ADCY3: variants seen among roughly 807,000 people sequenced by gnomAD.
ADCY3 encodes adenylate cyclase type 3.
A neutral mutation model predicts 119.4 loss-of-function variants in ADCY3; 70 were observed. The ratio of observed to expected loss-of-function variants is 0.59; its 90% CI spans 0.48 to 0.72. The LOEUF (loss-of-function observed/expected upper bound fraction) is 0.72. Among genes scored for constraint, ADCY3 ranks in the 30% least tolerant of loss-of-function variants. ADCY3 has a pLI of 0.00. For missense variants in ADCY3, 1,238 were observed against 1,541.6 expected, an observed-to-expected ratio of 0.80 and a Z score of 3.30; for synonymous variants, 672 against 621.4, an observed-to-expected ratio of 1.08 and a Z score of -1.21.
chr2:24,849,043 G>T (rs1044192582), intron 3 of ADCY3, among the ~76,000 whole-genome samples: 1 of 152,230 alleles, frequency 6.6e-6, no homozygotes, highest in Admixed American at 6.5e-5. Flanking sequence ...GTGGTCAGGT[G>T]TGTGGGCAGG....
intron 3 of ADCY3, among the ~76,000 whole-genome samples, chr2:24,867,578 C>T (rs1344838): frequency 2.0e-5 from 3 of 152,156 alleles, no homozygotes; most frequent in Non-Finnish European, 4.4e-5. Flanking sequence ...TTCAGGTATT[C>T]TGTTGTAGCA....
At chr2:24,825,151 G>A (rs1668397827) in intron 16 of ADCY3, among the ~76,000 whole-genome samples, 6 of 152,122 alleles carry the variant, frequency 3.9e-5, no homozygotes, top group Admixed American at 3.9e-4. Context: ...TCCCAACTCA[G>A]GGTGGAGTCC....
At chr2:24,839,494 C>T (rs1034900139) in intron 7 of ADCY3, among the ~76,000 whole-genome samples, 4 of 152,194 alleles carry the variant, frequency 2.6e-5, no homozygotes, top group East Asian at 3.9e-4. Flanking sequence ...CCTGCGAGCC[C>T]GCTAGCTGAT....
At chr2:24,875,664 G>C (rs1675599811) in intron 2 of ADCY3, among the ~76,000 whole-genome samples, 1 of 152,180 alleles carries the variant, frequency 6.6e-6, no homozygotes, top group Admixed American at 6.5e-5. Flanking sequence ...AGCCTGGGTG[G>C]GGAGTCCCCC....
In ADCY3 at chr2:24,838,594, C is replaced by T. The variant is rs764888853; in HGVS notation, c.1384G>A (p.Asp462Asn). Reference protein sequence around the residue: ...GRVHISQSTMDCLKGEFDVEP... With the variant: ...GRVHISQSTMNCLKGEFDVEP... ...ACATCAAACTCCCCTTTCAGGCAGT[C>T]CATGGTGCTCTGGGAGATGTGCACG... The change falls in exon 8 of 22, where the codon GAC becomes AAC. Residue 462 changes from aspartate to asparagine, a missense_variant. Around this residue, in one of 7 missense-constraint regions of ADCY3, gnomAD observed 283 missense variants for 437.2 expected, o/e 0.65. Transcript: ENST00000679454. 1 of 1,614,094 alleles carries T rather than the reference C, an allele frequency of 6.2e-7. No individual in the cohort carries two copies. Among genetic ancestry groups the T allele is most frequent in the Admixed American group, 1.7e-5 (1 of 60,028 alleles).
At chr2:24,914,415 G>A (rs1335966556) in intron 2 of ADCY3, among the ~76,000 whole-genome samples, 2 of 152,196 alleles carry the variant, frequency 1.3e-5, no homozygotes, top group Admixed American at 6.5e-5. Context: ...GCTCACACCT[G>A]TAATCCCAGC....
At chr2:24,861,144 G>A (rs112365800) in intron 3 of ADCY3, among the ~76,000 whole-genome samples, 10,809 of 151,826 alleles carry the variant, frequency 0.071, 460 homozygotes, top group East Asian at 0.094. Flanking sequence ...CCAGCTACAC[G>A]GGAGGCTCAG....
Position 24,834,884 on chromosome 2 carries a change from A to G in ADCY3, c.1715T>C (p.Leu572Pro), listed in dbSNP as rs950864799. The change falls in exon 10 of 22, where the codon CTG becomes CCG. Residue 572 changes from leucine (L) to proline (P), a missense_variant. Physicochemically the swap from Leu to Pro is moderately conservative, Grantham distance 98. This residue lies in a region of ADCY3 where 499 missense variants were observed against 571.0 expected (regional missense o/e 0.87). Transcript: ENST00000679454. The surrounding 1 kb of genome is among the most constrained non-coding windows in gnomAD (Gnocchi z 4.2). ...NPRRRLRLQDLADRVVDASED... is the reference protein window; with the variant it reads ...NPRRRLRLQDPADRVVDASED... ...AGAGGCATCCACCACTCGGTCAGCC[A>G]GGTCCTGCAGGCGCAGCCTCCGGCG... 1.6e-5 allele frequency: 26 copies of G among 1,613,816 alleles called. No homozygotes were observed. The highest frequency in any genetic ancestry group is 2.1e-5 in the Non-Finnish European group (25 of 1,179,992).
At chr2:24,913,610 C>A (rs928485630) in intron 2 of ADCY3, among the ~76,000 whole-genome samples, 2 of 152,182 alleles carry the variant, frequency 1.3e-5, no homozygotes, top group African/African-American at 4.8e-5. Flanking sequence ...CCAGTAACAT[C>A]CAGGATTAAA....
intron 12 of ADCY3, among the ~76,000 whole-genome samples, chr2:24,831,329 CCCACCTTCCAGCCGGCCCT>C (rs1301602542): frequency 2.0e-5 from 3 of 152,198 alleles, no homozygotes; most frequent in Non-Finnish European, 4.4e-5. Flanking sequence ...TCGGGGCCAA[CCCACCTTCCAGCCGGCCCT>C]CCACTTCCTC....
chr2:24,823,336 T>C lies in ADCY3; in HGVS notation c.2756A>G (p.Tyr919Cys), dbSNP rs1433512698. 6 of 1,613,442 alleles carry C rather than the reference T, an allele frequency of 3.7e-6. No individual in the cohort carries two copies. Among genetic ancestry groups the C allele is most frequent in the Non-Finnish European group, 5.1e-6 (6 of 1,179,868 alleles). Residue 919 changes from tyrosine to cysteine, a missense_variant, in exon 18 of 22, where the codon TAT (tyrosine) becomes TGT (cysteine). Physicochemically the swap from Tyr to Cys is radical, Grantham distance 194. This residue lies in a region of ADCY3 where 499 missense variants were observed against 571.0 expected (regional missense o/e 0.87). Transcript: ENST00000679454. ...KRDEELYSQT[Y>C]DEIGVMFASL... is the part of the protein sequence containing the mutation. ...GGCAAACATGACTCCAATCTCATCA[T>C]ACGTCTGGCTATACAGCTCCTAAAA... is the stretch of plus-strand genomic sequence containing the variant.
At chr2:24,902,373 G>A (rs1660335976) in intron 2 of ADCY3, among the ~76,000 whole-genome samples, 1 of 152,064 alleles carries the variant, frequency 6.6e-6, no homozygotes, top group African/African-American at 2.4e-5. Flanking sequence ...GAGCCACCTT[G>A]CCCAGCCTTA....
At chr2:24,825,795 C>T in intron 16 of ADCY3, 1 of 539,476 alleles carries the variant, frequency 1.9e-6, no homozygotes, top group Non-Finnish European at 3.3e-6. Context: ...CTATCCCCTC[C>T]CACCTTCACT....
chr2:24,826,944 C>G (rs977254082), intron 15 of ADCY3, among the ~76,000 whole-genome samples: 1 of 152,160 alleles, frequency 6.6e-6, no homozygotes, highest in Non-Finnish European at 1.5e-5. Flanking sequence ...TGGACCGGTA[C>G]GTGTGTGATG....
chr2:24,828,463 C>CA (rs1668937094), intron 13 of ADCY3, among the ~76,000 whole-genome samples: 1 of 152,116 alleles, frequency 6.6e-6, no homozygotes, highest in African/African-American at 2.4e-5. Context: ...GCAGAAAAGC[C>CA]AAAAGTAGGA....
chr2:24,825,737 C>G lies in ADCY3; in HGVS notation c.2577+308G>C, dbSNP rs997396000. 1.1e-5 allele frequency: 4 copies of G among 367,542 alleles called. No homozygotes were observed. In the South Asian group the frequency reaches 1.3e-4, roughly 12 times the overall value. The allele number at this position is 367,542 out of a possible 1,614,324, so 22.8% of individuals were successfully genotyped here. ...ACGGGGAGTGCGGGGGCCATGAGCC[C>G]CTGGCCTAGGGGATATTGATTTGAT... On this transcript the variant is annotated intron_variant, in intron 16 of 21. Coordinates refer to ENST00000679454, the MANE Select transcript of ADCY3 (RefSeq NM_004036.5).
At chr2:24,873,194 A>G (rs140679665) in intron 2 of ADCY3, among the ~76,000 whole-genome samples, 31 of 152,354 alleles carry the variant, frequency 2.0e-4, no homozygotes, top group Non-Finnish European at 3.4e-4. Context: ...AGGACTGTGT[A>G]ATCCTAAAAG....
At position 24,842,929 on chromosome 2, in the gene ADCY3, T is replaced by C. The variant is rs1240872061; in HGVS notation, c.826-545A>G. Among the ~76,000 whole-genome samples, 2 of 152,112 alleles carry C rather than the reference T, an allele frequency of 1.3e-5. No individual in the cohort carries two copies. Among genetic ancestry groups the C allele is most frequent in the African/African-American group, 4.8e-5 (2 of 41,416 alleles). On this transcript the variant is annotated intron_variant, in intron 3 of 21. Coordinates refer to ENST00000679454, the MANE Select transcript of ADCY3 (RefSeq NM_004036.5). This position sits in a 1 kb window ranked among gnomAD's most constrained non-coding sequence, Gnocchi z 4.9. ...TAACCATGCCCAGCACAGCGCAGCA[T>C]GGCAAGTTCTGTGCCCAGAAAGGAG...
rs938327143 is a variant in ADCY3 at position 24,820,606 on chromosome 2, T to C, written c.3252+118A>G. The stretch of plus-strand genomic sequence containing the variant: ...TTCTTTTCCACTTGCCCCACGTCTC[T>C]GCCTCTGGACTTACTGTTCAGGGCC... On this transcript the variant is annotated intron_variant, in intron 21 of 21. Transcript: ENST00000679454. 4.0e-6 allele frequency: 6 copies of C among 1,511,574 alleles called. No individual in the cohort carries two copies. The African/African-American group carries it at 8.3e-5, about 21-fold the overall frequency. The allele number at this position is 1,511,574 out of a possible 1,614,324, so 93.6% of individuals were successfully genotyped here.
Sources: gnomAD v4.1 joint callset for allele counts (sites outside exome capture counted in the v4.1 genomes callset) on GRCh38, gnomAD v4.1.1 for gene constraint, gnomAD v4.1.1 regional missense constraint, Gnocchi (gnomAD v3.1) non-coding constraint, MANE v1.5 for transcripts, NCBI Gene and HGNC (gene_info 2026-07-23, HGNC 2026-07-21) for gene names.